FSAF1: variants seen among roughly 807,000 people sequenced by gnomAD.
The protein encoded by FSAF1 is uncharacterized protein C1orf131.
At chr1:231,229,351 T>C in the FSAF1 span, 2 of 489,602 alleles carry the variant, frequency 4.1e-6, no homozygotes, top group Non-Finnish European at 7.3e-6. Context: ...AACCAGAAAA[T>C]AACAAGTGTT....
At chr1:231,237,417 G>C in the FSAF1 span, 1 of 152,176 alleles carries the variant, frequency 6.6e-6, no homozygotes, top group Admixed American at 6.5e-5. Flanking sequence ...GATCTTACTT[G>C]GAGAGGGATC....
chr1:231,234,357 CTAAGGGCTGAGCAACACACAG>C, the FSAF1 span, among the ~76,000 whole-genome samples: 1 of 152,222 alleles, frequency 6.6e-6, no homozygotes, highest in African/African-American at 2.4e-5. The surrounding 1 kb of genome is among the most constrained non-coding windows in gnomAD (Gnocchi z 4.0). Context: ...TGACACAGCT[CTAAGGGCTGAGCAACACACAG>C]GTGTGTTAAG....
the FSAF1 span, among the ~76,000 whole-genome samples, chr1:231,231,816 C>T: frequency 6.6e-6 from 1 of 152,184 alleles, no homozygotes; most frequent in Non-Finnish European, 1.5e-5. Context: ...ACGGAGAACA[C>T]CTAATCCCCT....
At chr1:231,230,969 G>A in the FSAF1 span, among the ~76,000 whole-genome samples, 6 of 152,218 alleles carry the variant, frequency 3.9e-5, no homozygotes, top group African/African-American at 7.2e-5. Context: ...CACATTGGAC[G>A]CTGACTGGCT....
the FSAF1 span, among the ~76,000 whole-genome samples, chr1:231,227,370 G>A: frequency 6.6e-6 from 1 of 152,144 alleles, no homozygotes; most frequent in African/African-American, 2.4e-5. Context: ...GACCTCCTGG[G>A]CATGTGATCT....
At chr1:231,230,399 C>T in the FSAF1 span, among the ~76,000 whole-genome samples, 3 of 152,164 alleles carry the variant, frequency 2.0e-5, no homozygotes, top group African/African-American at 7.2e-5. Flanking sequence ...ACAGTTCTTT[C>T]AGAAATATCA....
the FSAF1 span, among the ~76,000 whole-genome samples, chr1:231,234,700 C>T: frequency 2.3e-3 from 355 of 152,308 alleles, 1 homozygote; most frequent in African/African-American, 8.2e-3. This position sits in a 1 kb window ranked among gnomAD's most constrained non-coding sequence, Gnocchi z 4.0. Flanking sequence ...AGTCCCAAGG[C>T]TCACTACTGC....
the FSAF1 span, chr1:231,238,952 A>C: frequency 1.2e-6 from 2 of 1,614,188 alleles, no homozygotes; most frequent in South Asian, 2.2e-5. Flanking sequence ...TTTAGGGAAG[A>C]GGGAGGAACT....
At chr1:231,238,789 G>A in the FSAF1 span, 176 of 1,422,564 alleles carry the variant, frequency 1.2e-4, no homozygotes, top group Non-Finnish European at 1.1e-4. Flanking sequence ...ACAGTCTAAA[G>A]AGCTATTCAC....
chr1:231,233,728 T>C, the FSAF1 span, among the ~76,000 whole-genome samples: 7 of 152,134 alleles, frequency 4.6e-5, no homozygotes, highest in Non-Finnish European at 8.8e-5. Context: ...AATTTTTGTA[T>C]TTTTAGTAAA....
At chr1:231,231,373 T>C in the FSAF1 span, among the ~76,000 whole-genome samples, 16 of 152,336 alleles carry the variant, frequency 1.1e-4, no homozygotes, top group East Asian at 2.9e-3. Flanking sequence ...CAAAACCCTG[T>C]ATACCGTTCC....
At chr1:231,238,911 T>A in the FSAF1 span, 1 of 1,614,184 alleles carries the variant, frequency 6.2e-7, no homozygotes, top group Non-Finnish European at 8.5e-7. Context: ...TGCTGTGAAA[T>A]TCTACCACTT....
At chr1:231,225,289 G>A in the FSAF1 span, 1 of 606,304 alleles carries the variant, frequency 1.6e-6, no homozygotes, top group East Asian at 2.7e-5. Context: ...TCCTAATTCA[G>A]TTCTCAGGCA....
At chr1:231,226,493 C>A in the FSAF1 span, 1 of 567,166 alleles carries the variant, frequency 1.8e-6, no homozygotes, top group Non-Finnish European at 3.1e-6. Flanking sequence ...TCAGGCATTC[C>A]TTTACAGCAA....
At chr1:231,229,225 CTTA>C in the FSAF1 span, 1 of 1,521,924 alleles carries the variant, frequency 6.6e-7, no homozygotes, top group Non-Finnish European at 9.0e-7. Context: ...AGAAAAAATT[CTTA>C]TTTAGATCAT....
At chr1:231,238,883 T>C in the FSAF1 span, 3 of 1,613,490 alleles carry the variant, frequency 1.9e-6, no homozygotes, top group African/African-American at 4.0e-5. Context: ...TGATCTGGCG[T>C]CAATTTTCTT....
At chr1:231,232,971 C>T in the FSAF1 span, among the ~76,000 whole-genome samples, 5 of 152,138 alleles carry the variant, frequency 3.3e-5, no homozygotes, top group Non-Finnish European at 1.5e-5. Context: ...CCTTGATGAG[C>T]CTAAATTACT....
chr1:231,236,511 G>A, the FSAF1 span, among the ~76,000 whole-genome samples: 5,634 of 152,212 alleles, frequency 0.037, 370 homozygotes, highest in African/African-American at 0.13. Context: ...CGCTTGGAAC[G>A]GGAAGCAAAA....
chr1:231,233,154 G>GTTCCCC, the FSAF1 span, among the ~76,000 whole-genome samples: 1 of 152,196 alleles, frequency 6.6e-6, no homozygotes, highest in Non-Finnish European at 1.5e-5. Flanking sequence ...AGAATTTGGG[G>GTTCCCC]AACGATCAAA....
Sources: gnomAD v4.1 joint callset for allele counts (sites outside exome capture counted in the v4.1 genomes callset) on GRCh38, gnomAD v4.1.1 for gene constraint, Gnocchi (gnomAD v3.1) non-coding constraint, MANE v1.5 for transcripts, NCBI Gene and HGNC (gene_info 2026-07-23, HGNC 2026-07-21) for gene names.